The following BNIP2 variants were observed in gnomAD, a reference collection of about 807,000 sequenced individuals.
The protein encoded by BNIP2 is BCL2 interacting protein 2.
Under a neutral mutation model 43.4 loss-of-function variants are expected in BNIP2, and 36 were observed. That is an observed-to-expected ratio of 0.83 (90% CI 0.64 to 1.10). The LOEUF is 1.10. Among genes scored for constraint, BNIP2 ranks in the 50% least tolerant of loss-of-function variants. The pLI is 0.00. For missense variants in BNIP2, 417 were observed against 374.1 expected, an observed-to-expected ratio of 1.11 and a Z score of -0.95; for synonymous variants, 146 against 121.0, an observed-to-expected ratio of 1.21 and a Z score of -1.35.
At position 59,663,966 on chromosome 15, in the gene BNIP2, A is replaced by C; in HGVS notation, c.*103T>G. ...TATGAAAAAGTCAAGTCTATTTTGT[A>C]ACAGGTTACATAAAAATATGGGCCA... is the stretch of plus-strand genomic sequence containing the variant. On this transcript the variant is annotated 3_prime_UTR_variant, in exon 10 of 10. Transcript: ENST00000607373. 1.1e-6 allele frequency: 1 copy of C among 906,304 alleles called. No homozygotes were observed. Among genetic ancestry groups the C allele is most frequent in the East Asian group, 2.8e-5 (1 of 35,508 alleles). 56.1% of individuals were successfully genotyped at this position (906,304 alleles called of 1,614,324 possible).
At position 59,678,025 on chromosome 15, in the gene BNIP2, C is replaced by G. The variant is rs762065631; in HGVS notation, c.358G>C (p.Ala120Pro). The G allele has an allele frequency of 4.3e-6, 7 of 1,613,810 alleles. No individual in the cohort carries two copies. Among genetic ancestry groups the G allele is most frequent in the Non-Finnish European group, 5.9e-6 (7 of 1,179,854 alleles). The change falls in exon 5 of 10, where the codon GCA becomes CCA. Residue 120 changes from alanine (A) to proline (P), a missense_variant. Transcript: ENST00000607373. The part of the protein sequence containing the change: ...IRKGSITEYT[A>P]AEEKEDGRRW... ...CGTCCATCTTCTTTTTCCTCTGCTG[C>G]TGTGTATTCAGTAATTGAGCCTTTC... is the stretch of plus-strand genomic sequence containing the variant.
chr15:59,678,463 A>C, intron 4 of BNIP2: 1 of 1,069,532 alleles, frequency 9.3e-7, no homozygotes, highest in South Asian at 2.7e-5. Flanking sequence ...AGGTTACTTC[A>C]AGTAGCTATC....
At chr15:59,688,996 G>C (rs756533888) in intron 1 of BNIP2, 139 bp downstream of exon 1, 705 of 1,443,062 alleles carry the variant, frequency 4.9e-4, no homozygotes, top group Non-Finnish European at 6.0e-4. Flanking sequence ...AGGTTCTATG[G>C]CTCCCCCTAC....
In BNIP2 at chr15:59,682,502, G is replaced by A; in HGVS notation, c.-45C>T. On this transcript the variant is annotated 5_prime_UTR_variant, in exon 2 of 10. Coordinates refer to ENST00000607373, the MANE Select transcript of BNIP2 (RefSeq NM_004330.4). ...TCAACTACAAACTCTTGATAATCCA[G>A]GGAGCCAATGTCCTATGAAGAGAGA... 1 of 1,612,474 alleles carries A rather than the reference G, an allele frequency of 6.2e-7. No individual in the cohort carries two copies. The highest frequency in any genetic ancestry group is 1.3e-5 in the African/African-American group (1 of 74,906).
intron 5 of BNIP2, among the ~76,000 whole-genome samples, chr15:59,675,158 C>T (rs1012019444): frequency 2.7e-5 from 4 of 148,620 alleles, no homozygotes; most frequent in Non-Finnish European, 3.0e-5. Flanking sequence ...CTGAGGCTGG[C>T]GTATCGCTTG....
chr15:59,668,022 G>T, intron 9 of BNIP2: 4 of 972,820 alleles, frequency 4.1e-6, no homozygotes, highest in Non-Finnish European at 5.6e-6. Flanking sequence ...TTGTCTACAA[G>T]CTAACCAACC....
At chr15:59,669,190 C>A (rs1892747379) in intron 8 of BNIP2, 86 bp downstream of exon 8, 2 of 1,109,616 alleles carry the variant, frequency 1.8e-6, no homozygotes, top group South Asian at 1.6e-5. Context: ...GCTCTGTATC[C>A]CATAAGTATG....
intron 1 of BNIP2, chr15:59,688,539 G>T (rs1894168472): frequency 1.6e-6 from 1 of 628,590 alleles, no homozygotes; most frequent in Non-Finnish European, 2.7e-6. Flanking sequence ...CTCTCCAGCG[G>T]CATGAAATGC....
chr15:59,684,744 C>T (rs1305371244), intron 1 of BNIP2, among the ~76,000 whole-genome samples: 2 of 152,146 alleles, frequency 1.3e-5, no homozygotes, highest in Non-Finnish European at 1.5e-5. Flanking sequence ...CTTGTCGTAC[C>T]TTTTTATTGT....
At chr15:59,667,235 T>A (rs1892620576) in intron 9 of BNIP2, among the ~76,000 whole-genome samples, 1 of 152,172 alleles carries the variant, frequency 6.6e-6, no homozygotes, top group East Asian at 1.9e-4. Context: ...AGAAACAAAA[T>A]GTGTTCAAAG....
chr15:59,677,272 G>C (rs1893364824), intron 5 of BNIP2: 1 of 1,590,612 alleles, frequency 6.3e-7, no homozygotes, highest in Admixed American at 1.7e-5. Flanking sequence ...GTATACAGGA[G>C]CTGCCAGGGG....
chr15:59,668,348 T>A (rs923684347), intron 9 of BNIP2, among the ~76,000 whole-genome samples: 10 of 152,206 alleles, frequency 6.6e-5, no homozygotes, highest in Non-Finnish European at 1.5e-5. Flanking sequence ...AAAGAAACTT[T>A]TCCACATGCA....
intron 3 of BNIP2, 99 bp downstream of exon 3, chr15:59,680,142 A>G: frequency 2.0e-6 from 2 of 1,013,166 alleles, no homozygotes; most frequent in Admixed American, 3.2e-5. Context: ...CTATGATGGA[A>G]TAAAAACTCA....
chr15:59,677,398 C>T (rs974918991), intron 5 of BNIP2: 1 of 1,512,642 alleles, frequency 6.6e-7, no homozygotes, highest in African/African-American at 1.4e-5. Flanking sequence ...TTTCCGTACT[C>T]CAAACCATCA....
chr15:59,682,898 G>C (rs1314311456), intron 1 of BNIP2, among the ~76,000 whole-genome samples: 3 of 152,122 alleles, frequency 2.0e-5, no homozygotes. Flanking sequence ...CCCTTGGATA[G>C]AGGTTGATTC....
chr15:59,671,059 G>C (rs1892870813), intron 7 of BNIP2, 124 bp downstream of exon 7: 2 of 935,296 alleles, frequency 2.1e-6, no homozygotes, highest in Non-Finnish European at 3.0e-6. Flanking sequence ...GGCAACAAGA[G>C]TGAAACTCCG....
At chr15:59,678,785 G>T (rs1450669536) in intron 4 of BNIP2, 2 of 1,302,782 alleles carry the variant, frequency 1.5e-6, no homozygotes, top group African/African-American at 1.5e-5. Flanking sequence ...CTGCATGTTA[G>T]TTGTTTCCAA....
chr15:59,666,395 G>T (rs1485282560), intron 9 of BNIP2, among the ~76,000 whole-genome samples: 2 of 152,152 alleles, frequency 1.3e-5, no homozygotes, highest in Non-Finnish European at 2.9e-5. Context: ...GGCTGGGCGT[G>T]GTAGCTGACG....
intron 9 of BNIP2, chr15:59,665,281 A>T (rs546613245): frequency 3.5e-5 from 5 of 142,020 alleles, no homozygotes; most frequent in Admixed American, 6.9e-5. Flanking sequence ...TAAATAAAAT[A>T]AAAAAAAAGA....
Sources: gnomAD v4.1 joint callset for allele counts (sites outside exome capture counted in the v4.1 genomes callset) on GRCh38, gnomAD v4.1.1 for gene constraint, MANE v1.5 for transcripts, NCBI Gene and HGNC (gene_info 2026-07-23, HGNC 2026-07-21) for gene names.